FSIP2: variants seen among roughly 807,000 people sequenced by gnomAD.
The protein encoded by FSIP2 is fibrous sheath interacting protein 2.
Under a neutral mutation model 510.5 loss-of-function variants are expected in FSIP2, and 367 were observed. The observed-to-expected ratio is 0.72, with a 90% CI of 0.66 to 0.78. FSIP2 has a LOEUF of 0.78. Among genes scored for constraint, FSIP2 ranks in the 30% least tolerant of loss-of-function variants. The probability of loss-of-function intolerance (pLI) is 0.00; values close to 1 mark genes in which losing one functional copy is unlikely to be tolerated. For missense variants in FSIP2, 7,594 were observed against 7,901.7 expected, an observed-to-expected ratio of 0.96 and a Z score of 1.48; for synonymous variants, 2,601 against 2,732.2, an observed-to-expected ratio of 0.95 and a Z score of 1.50.
Position 185,789,859 on chromosome 2 carries a change from C to A in FSIP2, c.2723C>A (p.Ala908Glu), listed in dbSNP as rs1467114409. 3 of 1,531,654 alleles carry A rather than the reference C, an allele frequency of 2.0e-6. No individual in the cohort carries two copies. Among genetic ancestry groups the A allele is most frequent in the Non-Finnish European group, 2.6e-6 (3 of 1,143,638 alleles). The allele number at this position is 1,531,654 out of a possible 1,614,324, so 94.9% of individuals were successfully genotyped here. Reference sequence around the variant, plus strand: ...TCTTTGGTTGCTTATATAGAGGAAGCAATCAATGCTATACTAGGTTATATA... The same window carrying A: ...TCTTTGGTTGCTTATATAGAGGAAGAAATCAATGCTATACTAGGTTATATA... Reference protein sequence around the residue: ...QSSLVAYIEEAINAILGYIQT... With the variant: ...QSSLVAYIEEEINAILGYIQT... The change falls in exon 16 of 23, where the codon GCA becomes GAA. Residue 908 changes from alanine to glutamate, a missense_variant. By Grantham distance (107) the Ala-to-Glu change is moderately radical (BLOSUM62 -1). Coordinates refer to ENST00000424728, the MANE Select transcript of FSIP2 (RefSeq NM_173651.4).
At chr2:185,814,066 G>C (rs761992501) in intron 18 of FSIP2, 24 bp downstream of exon 18, 28 of 1,585,068 alleles carry the variant, frequency 1.8e-5, no homozygotes, top group Non-Finnish European at 8.6e-6. Context: ...ATGACTGTTA[G>C]TGACTAGAAA....
At chr2:185,825,363 C>T (rs1165540912) in intron 20 of FSIP2, among the ~76,000 whole-genome samples, 1 of 151,594 alleles carries the variant, frequency 6.6e-6, no homozygotes, top group Non-Finnish European at 1.5e-5. Context: ...AGGCAGTGAC[C>T]CATCCAACAT....
At chr2:185,751,857 TA>T (rs1254821879) in intron 7 of FSIP2, among the ~76,000 whole-genome samples, 3 of 136,558 alleles carry the variant, frequency 2.2e-5, no homozygotes, top group African/African-American at 5.0e-5. Flanking sequence ...TATTATGCTT[TA>T]TTTTTTTCCC....
At chr2:185,769,619 A>G (rs932933557) in intron 13 of FSIP2, among the ~76,000 whole-genome samples, 5 of 152,076 alleles carry the variant, frequency 3.3e-5, no homozygotes, top group African/African-American at 9.7e-5. Context: ...GAAGCTCTTT[A>G]GTTTCAGTAG....
intron 22 of FSIP2, 121 bp from the exon 23 acceptor site, chr2:185,832,969 T>C: frequency 2.7e-6 from 2 of 735,592 alleles, no homozygotes; most frequent in South Asian, 3.3e-5. Flanking sequence ...GCCATGAGAG[T>C]CAGAAAGTCT....
At chr2:185,810,537 C>CTT (rs11298474) in intron 17 of FSIP2, among the ~76,000 whole-genome samples, 7 of 107,038 alleles carry the variant, frequency 6.5e-5, no homozygotes, top group African/African-American at 1.1e-4. Flanking sequence ...AGTTAAACCT[C>CTT]TTTTTTTTTT....
At position 185,805,371 on chromosome 2, in the gene FSIP2, A is replaced by T. The variant is rs1693540484; in HGVS notation, c.16065A>T (p.Val5355=). 5.0e-6 allele frequency: 8 copies of T among 1,598,472 alleles called. No individual in the cohort carries two copies. Among genetic ancestry groups the T allele is most frequent in the Non-Finnish European group, 6.8e-6 (8 of 1,174,108 alleles). Residue 5355 remains valine, a synonymous_variant, in exon 17 of 23, where the codon GTA becomes GTT. Transcript: ENST00000424728. The stretch of plus-strand genomic sequence containing the variant: ...CAGTTGATAAAATATCCAATTTTGT[A>T]TATGAACAGTTCATAGAAAAATGCA... ...KETVDKISNF[V]YEQFIEKCTS...
At chr2:185,761,804 G>A (rs186665296) in intron 10 of FSIP2, among the ~76,000 whole-genome samples, 168 bp from the exon 11 acceptor site, 104 of 151,194 alleles carry the variant, frequency 6.9e-4, no homozygotes, top group African/African-American at 2.4e-3. Context: ...TTATATGAAA[G>A]GTATCCTAGG....
At chr2:185,826,229 T>C (rs1694010385) in intron 20 of FSIP2, among the ~76,000 whole-genome samples, 1 of 151,878 alleles carries the variant, frequency 6.6e-6, no homozygotes, top group Non-Finnish European at 1.5e-5. Flanking sequence ...AAAGCATGGC[T>C]GTACTTCCCA....
At chr2:185,760,966 T>C in intron 9 of FSIP2, 22 bp from the exon 10 acceptor site, 1 of 981,850 alleles carries the variant, frequency 1.0e-6, no homozygotes, top group Non-Finnish European at 1.5e-6. Context: ...AACTATAGAG[T>C]TTCTCTCTCG....
At chr2:185,825,597 G>C (rs1427514314) in intron 20 of FSIP2, among the ~76,000 whole-genome samples, 1 of 151,840 alleles carries the variant, frequency 6.6e-6, no homozygotes, top group South Asian at 2.1e-4. Context: ...AGTTCCATCT[G>C]CATCCCACAT....
At position 185,789,084 on chromosome 2, in the gene FSIP2, T is replaced by G. The variant is rs978612652; in HGVS notation, c.1948T>G (p.Leu650Val). The stretch of plus-strand genomic sequence containing the variant: ...AAGTTGTAAATCAGATAGTCACCTT[T>G]TAGCATCATTTGAAACAGGCACAAA... ...LRSCKSDSHL[L>V]ASFETGTKKS... The change falls in exon 16 of 23, where the codon TTA (leucine) becomes GTA (valine). Residue 650 changes from leucine to valine, a missense_variant. Physicochemically the swap from Leu to Val is conservative, Grantham distance 32 (BLOSUM62 1). Coordinates refer to ENST00000424728, the MANE Select transcript of FSIP2 (RefSeq NM_173651.4). The G allele has an allele frequency of 9.8e-6, 15 of 1,534,874 alleles. No individual in the cohort carries two copies. The highest frequency in any genetic ancestry group is 5.9e-5 in the Admixed American group (3 of 50,892).
At position 185,784,938 on chromosome 2, in the gene FSIP2, ATTG is replaced by A. The variant is rs372184088; in HGVS notation, c.1470-1311_1470-1309del. 6.9e-3 allele frequency among the ~76,000 whole-genome samples: 1,050 copies of A among 152,176 alleles called. 16 individuals carry two copies. The highest frequency in any genetic ancestry group is 0.024 in the African/African-American group (1,016 of 41,546). ...TGCCATGCTTTATCTGGTTAATAAAATTGTTTTCTAATAGTCATCAATGAAGCT... is the reference window on the plus strand; with the variant it reads ...TGCCATGCTTTATCTGGTTAATAAAATTTTCTAATAGTCATCAATGAAGCT... On this transcript the variant is annotated intron_variant, in intron 14 of 22. Coordinates refer to ENST00000424728, the MANE Select transcript of FSIP2 (RefSeq NM_173651.4).
intron 8 of FSIP2, 118 bp from the exon 9 acceptor site, chr2:185,756,074 C>A: frequency 2.6e-6 from 1 of 385,954 alleles, no homozygotes; most frequent in Non-Finnish European, 4.6e-6. Flanking sequence ...CTCGCAATCC[C>A]ACATACAGAT....
At chr2:185,820,837 C>T (rs562121784) in intron 19 of FSIP2, among the ~76,000 whole-genome samples, 2 of 151,066 alleles carry the variant, frequency 1.3e-5, no homozygotes, top group South Asian at 4.2e-4. Flanking sequence ...GTAAATTATT[C>T]ATTAATAAAT....
chr2:185,738,835 G>C lies in FSIP2; in HGVS notation c.-60G>C. Reference sequence around the variant, plus strand: ...GGTCAGGTCCGGACAGAGGGACAACGGGGTGCTAGAGAAGGAGAGCGGGGC... The same window carrying C: ...GGTCAGGTCCGGACAGAGGGACAACCGGGTGCTAGAGAAGGAGAGCGGGGC... On this transcript the variant is annotated 5_prime_UTR_variant, in exon 1 of 23. Transcript: ENST00000424728. 1.3e-6 allele frequency: 2 copies of C among 1,535,802 alleles called. No individual in the cohort carries two copies. The highest frequency in any genetic ancestry group is 1.7e-6 in the Non-Finnish European group (2 of 1,146,736).
chr2:185,789,229 G>C lies in FSIP2; in HGVS notation c.2093G>C (p.Cys698Ser). 1 of 1,534,370 alleles carries C rather than the reference G, an allele frequency of 6.5e-7. No homozygotes were observed. Among genetic ancestry groups the C allele is most frequent in the Admixed American group, 2.0e-5 (1 of 50,862 alleles). ...AAAAATGTTTTTGTTAACTTTAAAT[G>C]TTACTTGAAAGGGGAAACTGAAGTG... ...NLKNVFVNFK[C>S]YLKGETEVIL... Residue 698 changes from cysteine to serine, a missense_variant, in exon 16 of 23, where the codon TGT becomes TCT. Transcript: ENST00000424728.
At position 185,806,672 on chromosome 2, in the gene FSIP2, A is replaced by G. The variant is rs760359165; in HGVS notation, c.17366A>G (p.Asp5789Gly). The G allele has an allele frequency of 3.7e-6, 6 of 1,601,670 alleles. No homozygotes were observed. The South Asian group carries it at 6.8e-5, about 18-fold the overall frequency. ...ATTTTTCCCGCTAAGTTTTTAGAAG[A>G]TGTTATTACTGAGATGGTTAAACAA... is the stretch of plus-strand genomic sequence containing the variant. ...PGIFPAKFLE[D>G]VITEMVKQLI... Residue 5789 changes from aspartate to glycine, a missense_variant, in exon 17 of 23, where the codon GAT (aspartate) becomes GGT (glycine). By Grantham distance (94) the Asp-to-Gly change is moderately conservative (BLOSUM62 -1). Transcript: ENST00000424728.
rs1693629475 is a variant in FSIP2, at chr2:185,808,097, C to G, written c.18791C>G (p.Ser6264Cys). ...NSIYTSVLKH[S>C]GSYTSVFKDL... Reference sequence around the variant, plus strand: ...ATTTATACCAGTGTTTTAAAGCACTCTGGCTCTTATACTTCTGTATTTAAA... The same window carrying G: ...ATTTATACCAGTGTTTTAAAGCACTGTGGCTCTTATACTTCTGTATTTAAA... Residue 6264 changes from serine (S) to cysteine (C), a missense_variant, in exon 17 of 23, where the codon TCT becomes TGT. Transcript: ENST00000424728. 1.2e-6 allele frequency: 2 copies of G among 1,606,906 alleles called. No homozygotes were observed. Among genetic ancestry groups the G allele is most frequent in the Non-Finnish European group, 1.7e-6 (2 of 1,177,254 alleles).
Sources: gnomAD v4.1 joint callset for allele counts (sites outside exome capture counted in the v4.1 genomes callset) on GRCh38, gnomAD v4.1.1 for gene constraint, MANE v1.5 for transcripts, NCBI Gene and HGNC (gene_info 2026-07-23, HGNC 2026-07-21) for gene names.